CFAP20DC: variants seen among roughly 807,000 people sequenced by gnomAD.
The protein encoded by CFAP20DC is protein CFAP20DC.
A neutral mutation model predicts 101.7 loss-of-function variants in CFAP20DC; 84 were observed. That is an observed-to-expected ratio of 0.83 (90% CI 0.69 to 0.99). The LOEUF is 0.99. Among genes scored for constraint, CFAP20DC ranks in the 50% least tolerant of loss-of-function variants. CFAP20DC has a pLI of 0.00. For missense variants in CFAP20DC, 1,007 were observed against 970.3 expected (o/e 1.04, Z -0.50); for synonymous variants, 359 against 351.2 (o/e 1.02, Z -0.25).
intron 3 of CFAP20DC, among the ~76,000 whole-genome samples, chr3:58,720,252 C>T (rs954352256): frequency 1.3e-5 from 2 of 152,238 alleles, no homozygotes; most frequent in Non-Finnish European, 2.9e-5. Context: ...AGAAAGCAGA[C>T]ACACAAAGCC....
intron 13 of CFAP20DC, among the ~76,000 whole-genome samples, chr3:58,843,634 C>G (rs1384603749): frequency 6.6e-6 from 1 of 151,672 alleles, no homozygotes; most frequent in Non-Finnish European, 1.5e-5. Flanking sequence ...AAAGGCAGGC[C>G]AACGTTCAGA....
At chr3:58,918,656 A>G (rs2084998908) in intron 5 of CFAP20DC, among the ~76,000 whole-genome samples, 1 of 151,920 alleles carries the variant, frequency 6.6e-6, no homozygotes, top group Non-Finnish European at 1.5e-5. Context: ...TCTGTTTGGC[A>G]ACTGCCTCTA....
chr3:58,817,077 G>T (rs982400417), intron 14 of CFAP20DC, among the ~76,000 whole-genome samples: 4 of 152,044 alleles, frequency 2.6e-5, no homozygotes, highest in African/African-American at 7.2e-5. Flanking sequence ...GCAGCTGAGG[G>T]TCTTGTCTGT....
chr3:58,983,819 G>A (rs989947667), intron 4 of CFAP20DC, among the ~76,000 whole-genome samples: 1 of 152,148 alleles, frequency 6.6e-6, no homozygotes, highest in Admixed American at 6.6e-5. Flanking sequence ...TATGGATGAG[G>A]AAACTGAGGC....
chr3:58,724,315 C>G lies in CFAP20DC; in HGVS notation c.198-6687G>C, dbSNP rs2067517184. Among the ~76,000 whole-genome samples the G allele has an allele frequency of 6.6e-6, 1 of 152,156 alleles. No homozygotes were observed. The highest frequency in any genetic ancestry group is 1.5e-5 in the Non-Finnish European group (1 of 68,038). ...AGGGCTTGTGGGGTGCCTGTATAAA[C>G]TGGCCATAAAAATATGGGACAATAA... On this transcript the variant is annotated intron_variant, in intron 3 of 3. Coordinates refer to the CFAP20DC transcript ENST00000486145. This position sits in a 1 kb window ranked among gnomAD's most constrained non-coding sequence, Gnocchi z 5.6.
At chr3:58,935,276 A>G (rs1452463488) in intron 5 of CFAP20DC, among the ~76,000 whole-genome samples, 1 of 152,006 alleles carries the variant, frequency 6.6e-6, no homozygotes, top group Non-Finnish European at 1.5e-5. Flanking sequence ...ATAAAAGAGG[A>G]TACAAACAAA....
downstream of CFAP20DC, among the ~76,000 whole-genome samples, chr3:58,739,527 A>C (rs1424005298): frequency 1.3e-5 from 2 of 152,230 alleles, no homozygotes; most frequent in Admixed American, 1.3e-4. Context: ...GCTCTTCCTC[A>C]CAGGTGCATA....
chr3:58,851,014 T>C (rs750812132), intron 12 of CFAP20DC, among the ~76,000 whole-genome samples: 17 of 152,174 alleles, frequency 1.1e-4, no homozygotes, highest in Non-Finnish European at 2.4e-4. Flanking sequence ...GGGAGAGATC[T>C]ACAAAAGCTT....
chr3:59,046,165 T>A lies in CFAP20DC; in HGVS notation c.205+64A>T, dbSNP rs140277716. ...GAAGTCATACTAATGTGCCTGTTTA[T>A]GAGACATAAAAGCAGAACTTTGAGT... On this transcript the variant is annotated intron_variant, in intron 3 of 16. Coordinates refer to ENST00000482387, the MANE Select transcript of CFAP20DC (RefSeq NM_001394063.1). The A allele has an allele frequency of 7.4e-3, 8,303 of 1,120,414 alleles. 50 individuals are homozygous for A. The highest frequency in any genetic ancestry group is 9.4e-3 in the Non-Finnish European group (7,270 of 775,982). The allele number at this position is 1,120,414 out of a possible 1,614,324, so 69.4% of individuals were successfully genotyped here. A position where few individuals can be genotyped will look rare whatever the true frequency, so the allele number is the denominator to read the frequency against.
At chr3:58,730,777 A>G (rs1183284170) in intron 3 of CFAP20DC, among the ~76,000 whole-genome samples, 1 of 152,238 alleles carries the variant, frequency 6.6e-6, no homozygotes, top group Non-Finnish European at 1.5e-5. Flanking sequence ...TATTCATAAA[A>G]TAACTACAGA....
intron 4 of CFAP20DC, among the ~76,000 whole-genome samples, chr3:58,955,961 T>C (rs2090586183): frequency 6.6e-6 from 1 of 151,152 alleles, no homozygotes; most frequent in South Asian, 2.1e-4. Context: ...ACCCACTGCC[T>C]TGGAGGAAAG....
chr3:58,893,280 G>A (rs566846707), intron 6 of CFAP20DC, among the ~76,000 whole-genome samples: 16 of 152,200 alleles, frequency 1.1e-4, no homozygotes, highest in African/African-American at 1.9e-4. Flanking sequence ...TCCTGACCTC[G>A]CAATCTGCCT....
At chr3:58,823,465 A>G (rs924790901) in intron 14 of CFAP20DC, among the ~76,000 whole-genome samples, 2 of 152,156 alleles carry the variant, frequency 1.3e-5, no homozygotes, top group Non-Finnish European at 2.9e-5. Flanking sequence ...GGCGATTGAC[A>G]TTTATTGAGT....
At chr3:58,947,567 G>A (rs1260790512) in intron 4 of CFAP20DC, among the ~76,000 whole-genome samples, 2 of 152,148 alleles carry the variant, frequency 1.3e-5, no homozygotes, top group Non-Finnish European at 2.9e-5. Context: ...TGCTTCATGT[G>A]TACTTCATGA....
intron 8 of CFAP20DC, 127 bp downstream of exon 8, chr3:58,870,046 G>A (rs764244681): frequency 2.4e-6 from 2 of 848,508 alleles, no homozygotes; most frequent in African/African-American, 3.4e-5. Context: ...TCTGCTTTTG[G>A]CATGTAGTGT....
rs1441841344 is a variant in CFAP20DC, at chr3:59,014,746, C to T, written c.278+24811G>A. 6.6e-6 allele frequency among the ~76,000 whole-genome samples: 1 copy of T among 152,054 alleles called. No individual in the cohort carries two copies. The highest frequency in any genetic ancestry group is 1.5e-5 in the Non-Finnish European group (1 of 68,004). On this transcript the variant is annotated intron_variant, in intron 4 of 16. Coordinates refer to ENST00000482387, the MANE Select transcript of CFAP20DC (RefSeq NM_001394063.1). This position sits in a 1 kb window ranked among gnomAD's most constrained non-coding sequence, Gnocchi z 4.9. ...TTAATTGTGGAAGTCAGTAGTACTACATATGGTGGTAGTACTACATAATGG... is the reference window on the plus strand; with the variant it reads ...TTAATTGTGGAAGTCAGTAGTACTATATATGGTGGTAGTACTACATAATGG...
chr3:58,953,423 T>TG (rs2090335189), intron 4 of CFAP20DC: 1 of 152,204 alleles, frequency 6.6e-6, no homozygotes, highest in Non-Finnish European at 1.5e-5. Flanking sequence ...CTCCGATGTC[T>TG]GGAAGAATTT....
intron 4 of CFAP20DC, among the ~76,000 whole-genome samples, chr3:58,996,153 T>C (rs1205913497): frequency 1.3e-5 from 2 of 152,042 alleles, no homozygotes; most frequent in African/African-American, 4.8e-5. Flanking sequence ...AACAACACCA[T>C]AATTGGGTTT....
intron 3 of CFAP20DC, among the ~76,000 whole-genome samples, chr3:59,043,303 A>T (rs1215666289): frequency 6.6e-6 from 1 of 152,132 alleles, no homozygotes; most frequent in Non-Finnish European, 1.5e-5. Flanking sequence ...AAGAACAGTG[A>T]AATGGGAAGA....
Sources: allele counts gnomAD v4.1 joint callset (sites outside exome capture counted in the v4.1 genomes callset), GRCh38; gene constraint gnomAD v4.1.1; non-coding constraint Gnocchi (gnomAD v3.1); transcripts MANE v1.5; gene names NCBI Gene and HGNC (gene_info 2026-07-23, HGNC 2026-07-21).